KIF21A: variants seen among roughly 807,000 people sequenced by gnomAD.
KIF21A encodes the protein kinesin family member 21A, also known as kinesin-like protein KIF21A.
KIF21A carries 114 observed loss-of-function variants against 202.9 expected under a neutral mutation model. The observed-to-expected ratio is 0.56, with a 90% CI of 0.48 to 0.66. KIF21A has a LOEUF of 0.66. KIF21A is among the 30% of genes least tolerant of loss of function. The pLI is 0.00. For missense variants in KIF21A, 1,677 were observed against 1,994.9 expected (o/e 0.84, Z 3.04); for synonymous variants, 667 against 670.8 (o/e 0.99, Z 0.09).
At chr12:39,363,414 A>G (rs1460796944) in intron 6 of KIF21A, among the ~76,000 whole-genome samples, 1 of 152,070 alleles carries the variant, frequency 6.6e-6, no homozygotes, top group Non-Finnish European at 1.5e-5. Flanking sequence ...TACCGTATGT[A>G]TATATTAGTA....
intron 12 of KIF21A, among the ~76,000 whole-genome samples, chr12:39,342,965 G>A (rs1947568900): frequency 6.6e-6 from 1 of 152,112 alleles, no homozygotes; most frequent in African/African-American, 2.4e-5. Context: ...TCCTTTGTGG[G>A]TTTAGCAATC....
At chr12:39,403,948 G>A (rs1952378283) in intron 1 of KIF21A, among the ~76,000 whole-genome samples, 1 of 152,200 alleles carries the variant, frequency 6.6e-6, no homozygotes, top group African/African-American at 2.4e-5. Flanking sequence ...CCTGTCAAAA[G>A]TTTCTCAAAG....
intron 1 of KIF21A, among the ~76,000 whole-genome samples, chr12:39,396,402 T>A (rs1951763216): frequency 6.6e-6 from 1 of 152,142 alleles, no homozygotes; most frequent in African/African-American, 2.4e-5. Flanking sequence ...TTATCTTCAG[T>A]ACAAAGCAAC....
At chr12:39,317,949 T>A (rs1045055280) in intron 29 of KIF21A, 124 bp downstream of exon 29, 4 of 970,174 alleles carry the variant, frequency 4.1e-6, no homozygotes, top group Admixed American at 3.8e-5. Context: ...GCATAAAATA[T>A]GGCAAGAGTT....
At chr12:39,326,351 C>T (rs1163832426) in intron 24 of KIF21A, 27 bp from the exon 25 acceptor site, 2 of 1,499,878 alleles carry the variant, frequency 1.3e-6, no homozygotes, top group African/African-American at 2.8e-5. Context: ...AAAATGTAAG[C>T]ATTATCCCCA....
At chr12:39,392,159 G>C (rs1044076720) in intron 1 of KIF21A, among the ~76,000 whole-genome samples, 4 of 152,180 alleles carry the variant, frequency 2.6e-5, no homozygotes, top group Admixed American at 6.6e-5. Flanking sequence ...GGGATTAAAA[G>C]GATATTTCCA....
At chr12:39,440,414 G>A (rs542634492) in intron 1 of KIF21A, among the ~76,000 whole-genome samples, 1 of 152,236 alleles carries the variant, frequency 6.6e-6, no homozygotes, top group Non-Finnish European at 1.5e-5. Context: ...TGCCTCATCT[G>A]TAAATGGCCA....
intron 21 of KIF21A, 162 bp from the exon 22 acceptor site, chr12:39,331,953 TGAA>T (rs1435915383): frequency 1.4e-6 from 1 of 707,886 alleles, no homozygotes; most frequent in Non-Finnish European, 2.5e-6. Flanking sequence ...AGGGTTTAGT[TGAA>T]AAGACACATT....
intron 35 of KIF21A, among the ~76,000 whole-genome samples, chr12:39,303,396 T>G (rs1023455240): frequency 1.3e-5 from 2 of 152,196 alleles, no homozygotes; most frequent in Non-Finnish European, 2.9e-5. Flanking sequence ...AACTGCAGGC[T>G]CAAGCGATCC....
intron 1 of KIF21A, among the ~76,000 whole-genome samples, chr12:39,390,888 TAGAC>T (rs1021276869): frequency 2.0e-5 from 3 of 152,262 alleles, no homozygotes; most frequent in Admixed American, 1.3e-4. Flanking sequence ...AAGTAAAACA[TAGAC>T]AGTTAAGTGC....
chr12:39,371,084 A>T (rs142377323), intron 1 of KIF21A, among the ~76,000 whole-genome samples: 27 of 152,312 alleles, frequency 1.8e-4, no homozygotes, highest in African/African-American at 6.0e-4. Context: ...AATAGTTATT[A>T]TACTGCATTA....
At position 39,362,980 on chromosome 12, in the gene KIF21A, T is replaced by C. The variant is rs1181743481; in HGVS notation, c.1019+118A>G. 1.0e-5 allele frequency: 7 copies of C among 697,052 alleles called. No individual in the cohort carries two copies. The African/African-American group carries it at 1.2e-4, about 12-fold the overall frequency. The allele number at this position is 697,052 out of a possible 1,614,324, so 43.2% of individuals were successfully genotyped here. A position where few individuals can be genotyped will look rare whatever the true frequency, so the allele number is the denominator to read the frequency against. Reference sequence around the variant, plus strand: ...TTGAGATCCTTAACAGTATAAGGATTAGTTCCTCATCCTATTAGTTTGCTT... The same window carrying C: ...TTGAGATCCTTAACAGTATAAGGATCAGTTCCTCATCCTATTAGTTTGCTT... On this transcript the variant is annotated intron_variant, in intron 7 of 37. Coordinates refer to ENST00000361418, the MANE Select transcript of KIF21A (RefSeq NM_001173464.2).
intron 32 of KIF21A, 122 bp from the exon 33 acceptor site, chr12:39,309,888 C>T: frequency 1.2e-6 from 1 of 848,888 alleles, no homozygotes; most frequent in South Asian, 1.6e-5. Context: ...TAGTAATTAA[C>T]ATACCACAAG....
chr12:39,327,589 A>G (rs1565783396), intron 24 of KIF21A, among the ~76,000 whole-genome samples: 2 of 152,190 alleles, frequency 1.3e-5, no homozygotes, highest in African/African-American at 4.8e-5. Flanking sequence ...AATGTTAAAC[A>G]TCATGCAAGT....
chr12:39,346,601 T>C, intron 11 of KIF21A, 97 bp from the exon 12 acceptor site: 1 of 760,316 alleles, frequency 1.3e-6, no homozygotes, highest in Non-Finnish European at 1.9e-6. Context: ...AAATGATACA[T>C]GAGCTTGAAG....
chr12:39,368,997 A>T (rs1458246502), intron 3 of KIF21A, among the ~76,000 whole-genome samples: 1 of 152,140 alleles, frequency 6.6e-6, no homozygotes, highest in African/African-American at 2.4e-5. Context: ...TAGACATTAT[A>T]TCAAAACATC....
intron 1 of KIF21A, among the ~76,000 whole-genome samples, chr12:39,376,390 A>C (rs1040016980): frequency 1.4e-4 from 22 of 152,112 alleles, no homozygotes; most frequent in African/African-American, 5.3e-4. Flanking sequence ...GAATTCTTAT[A>C]ATTTAATATT....
chr12:39,367,500 T>G (rs1949679948), intron 4 of KIF21A, among the ~76,000 whole-genome samples: 1 of 152,196 alleles, frequency 6.6e-6, no homozygotes, highest in East Asian at 1.9e-4. Flanking sequence ...TTAAAATTAT[T>G]TTTTGTAATT....
At chr12:39,372,031 TAA>T (rs57979417) in intron 1 of KIF21A, among the ~76,000 whole-genome samples, 3 of 140,402 alleles carry the variant, frequency 2.1e-5, no homozygotes, top group African/African-American at 5.1e-5. Context: ...TTGTGAAATT[TAA>T]AAAAAAAAAA....
Sources: allele counts gnomAD v4.1 joint callset (sites outside exome capture counted in the v4.1 genomes callset), GRCh38; gene constraint gnomAD v4.1.1; transcripts MANE v1.5; gene names NCBI Gene and HGNC (gene_info 2026-07-23, HGNC 2026-07-21).